Variants in ARNT2 observed in about 807,000 individuals in gnomAD.
ARNT2 encodes the protein aryl hydrocarbon receptor nuclear translocator 2.
In ARNT2, 36 loss-of-function variants were observed where a neutral mutation model predicts 91.7. The ratio of observed to expected loss-of-function variants is 0.39; its 90% CI spans 0.30 to 0.52. The LOEUF is 0.52. ARNT2 is among the 20% of genes least tolerant of loss of function. The pLI, the probability that ARNT2 is intolerant of heterozygous loss-of-function variation, is 0.72. For synonymous variants in ARNT2, 365 were observed against 347.1 expected (o/e 1.05, Z -0.57); for missense variants, 775 against 939.3 (o/e 0.83, Z 2.29).
chr15:80,464,271 G>A (rs1454411386), intron 3 of ARNT2, among the ~76,000 whole-genome samples: 2 of 149,294 alleles, frequency 1.3e-5, no homozygotes, highest in African/African-American at 2.4e-5. Context: ...GACCCTTGGA[G>A]CCTCAGCTTC....
At chr15:80,473,778 C>T (rs1896764257) in intron 4 of ARNT2, among the ~76,000 whole-genome samples, 1 of 152,170 alleles carries the variant, frequency 6.6e-6, no homozygotes, top group South Asian at 2.1e-4. Flanking sequence ...TATCAATGTT[C>T]CCTAGTCTCT....
intron 1 of ARNT2, among the ~76,000 whole-genome samples, chr15:80,448,514 T>C (rs2141378939): frequency 6.6e-6 from 1 of 152,358 alleles, no homozygotes; most frequent in Admixed American, 6.5e-5. Flanking sequence ...GGAGCTTTAC[T>C]TTTTTCAACT....
intron 5 of ARNT2, among the ~76,000 whole-genome samples, chr15:80,479,999 G>C (rs941774601): frequency 7.2e-5 from 11 of 152,166 alleles, no homozygotes; most frequent in Non-Finnish European, 1.6e-4. Flanking sequence ...GCTGGCCTCG[G>C]TGGTATTGGA....
intron 1 of ARNT2, among the ~76,000 whole-genome samples, chr15:80,443,302 C>T (rs1345037459): frequency 2.6e-5 from 4 of 152,150 alleles, no homozygotes; most frequent in African/African-American, 9.7e-5. Flanking sequence ...GGCCTGATCA[C>T]ACAAGAACAA....
intron 8 of ARNT2, among the ~76,000 whole-genome samples, chr15:80,545,802 A>C (rs1566997746): frequency 1.3e-5 from 2 of 152,252 alleles, no homozygotes; most frequent in Non-Finnish European, 2.9e-5. Flanking sequence ...TTAAAGAAGC[A>C]TGAAGCCCAG....
intron 3 of ARNT2, 29 bp from the exon 4 acceptor site, chr15:80,470,189 C>A: frequency 1.3e-6 from 2 of 1,598,032 alleles, no homozygotes; most frequent in South Asian, 2.2e-5. Flanking sequence ...CTTTTTTCCC[C>A]CTCTCCTGAT....
At position 80,504,785 on chromosome 15, in the gene ARNT2, T is replaced by A. The variant is rs67933450; in HGVS notation, c.623-3371T>A. On this transcript the variant is annotated intron_variant, in intron 5 of 18. Coordinates refer to ENST00000303329, the MANE Select transcript of ARNT2 (RefSeq NM_014862.4). The stretch of plus-strand genomic sequence containing the variant: ...CCTGTCTCAAAGAAAAAAAAAAAAA[T>A]GGAAATCAGGCAAAGGGAAGGGGAT... Among the ~76,000 whole-genome samples, 188 of 38,962 alleles carry A rather than the reference T, an allele frequency of 4.8e-3. 4 individuals are homozygous for A. Among genetic ancestry groups the A allele is most frequent in the African/African-American group, 0.015 (64 of 4,232 alleles). 25.6% of individuals were successfully genotyped at this position (38,962 alleles called of 152,430 possible).
chr15:80,469,450 A>G (rs1566981031), intron 3 of ARNT2, among the ~76,000 whole-genome samples: 1 of 152,018 alleles, frequency 6.6e-6, no homozygotes, highest in Non-Finnish European at 1.5e-5. Flanking sequence ...GACACAAAGA[A>G]TGGTAAGACT....
At chr15:80,576,393 C>T (rs1177239513) in intron 14 of ARNT2, among the ~76,000 whole-genome samples, 1 of 152,170 alleles carries the variant, frequency 6.6e-6, no homozygotes, top group Non-Finnish European at 1.5e-5. Flanking sequence ...TCTCCTGCCT[C>T]AGCCTCCCGA....
chr15:80,530,831 C>T (rs538271323), intron 8 of ARNT2, among the ~76,000 whole-genome samples: 9 of 152,122 alleles, frequency 5.9e-5, no homozygotes, highest in South Asian at 2.1e-4. Flanking sequence ...AATTAGTCCC[C>T]GTAGATACAC....
At position 80,470,401 on chromosome 15, in the gene ARNT2, C is replaced by G; in HGVS notation, c.378C>G (p.Gly126=). Residue 126 remains glycine (G), a synonymous_variant, in exon 4 of 19, where the codon GGC becomes GGG. Transcript: ENST00000303329. ...GTACAGGGAACAAGTCCACCGATGGCGCGTACAAGCCTTCCTTCCTCACAG... is the reference window on the plus strand; with the variant it reads ...GTACAGGGAACAAGTCCACCGATGGGGCGTACAAGCCTTCCTTCCTCACAG... ...MRGTGNKSTD[G]AYKPSFLTEQ... 6.2e-7 allele frequency: 1 copy of G among 1,614,190 alleles called. No homozygotes were observed. Among genetic ancestry groups the G allele is most frequent in the Admixed American group, 1.7e-5 (1 of 60,030 alleles).
intron 15 of ARNT2, among the ~76,000 whole-genome samples, chr15:80,578,327 G>T (rs1898721468): frequency 6.6e-6 from 1 of 152,112 alleles, no homozygotes; most frequent in Non-Finnish European, 1.5e-5. Context: ...AGGGGTGCAA[G>T]GGCCTGAGGG....
intron 5 of ARNT2, among the ~76,000 whole-genome samples, chr15:80,476,101 C>T (rs1402895011): frequency 1.3e-5 from 2 of 152,230 alleles, no homozygotes; most frequent in African/African-American, 4.8e-5. Flanking sequence ...ATGTATACAT[C>T]TTACCACACA....
intron 12 of ARNT2, among the ~76,000 whole-genome samples, chr15:80,566,040 C>A (rs7162617): frequency 6.6e-6 from 1 of 151,994 alleles, no homozygotes; most frequent in African/African-American, 2.4e-5. Context: ...TCTGCAGATT[C>A]TGCATGGAGC....
intron 1 of ARNT2, among the ~76,000 whole-genome samples, chr15:80,408,114 T>C (rs983732913): frequency 6.6e-6 from 1 of 152,248 alleles, no homozygotes; most frequent in Non-Finnish European, 1.5e-5. Context: ...GTCTTTGGCA[T>C]TTCAATTTGG....
intron 1 of ARNT2, among the ~76,000 whole-genome samples, chr15:80,430,164 A>C (rs937192985): frequency 3.9e-5 from 6 of 151,910 alleles, no homozygotes; most frequent in Non-Finnish European, 7.4e-5. Context: ...AGGTCCTCTG[A>C]CTTGATACCA....
rs60138286 is a variant in ARNT2 at position 80,522,760 on chromosome 15, CATATAT to C, written c.877+8370_877+8375del. ...TAATGACTGTGTGACTGTACATACA[CATATAT>C]ATATATATATATATCTGTTTGATAT... On this transcript the variant is annotated intron_variant, in intron 8 of 18. Transcript: ENST00000303329. 6.2e-3 allele frequency among the ~76,000 whole-genome samples: 894 copies of C among 144,534 alleles called. 17 individuals are homozygous for C. Among genetic ancestry groups the C allele is most frequent in the African/African-American group, 0.022 (870 of 38,878 alleles). 94.8% of individuals were successfully genotyped at this position (144,534 alleles called of 152,430 possible).
intron 18 of ARNT2, 137 bp from the exon 19 acceptor site, chr15:80,593,463 G>C: frequency 1.5e-6 from 1 of 649,252 alleles, no homozygotes; most frequent in Non-Finnish European, 2.6e-6. Context: ...GCATCCCGCA[G>C]AAGGCTGGGG....
intron 1 of ARNT2, among the ~76,000 whole-genome samples, chr15:80,419,111 AAAT>A (rs1370155478): frequency 1.7e-4 from 26 of 152,140 alleles, no homozygotes; most frequent in African/African-American, 6.0e-4. Flanking sequence ...TGGCGTGGTC[AAAT>A]AGGTACCTCA....
Sources: gnomAD v4.1 joint callset for allele counts (sites outside exome capture counted in the v4.1 genomes callset) on GRCh38, gnomAD v4.1.1 for gene constraint, MANE v1.5 for transcripts, NCBI Gene and HGNC (gene_info 2026-07-23, HGNC 2026-07-21) for gene names.